KDM2B: variants seen among roughly 807,000 people sequenced by gnomAD.
The protein encoded by KDM2B is lysine demethylase 2B.
Under a neutral mutation model 150.0 loss-of-function variants are expected in KDM2B, and 26 were observed. The observed-to-expected ratio is 0.17, with a 90% confidence interval of 0.13 to 0.24. The LOEUF (loss-of-function observed/expected upper bound fraction) is 0.24, where lower values mean the gene tolerates loss of function less well. Among genes scored for constraint, KDM2B ranks in the 10% least tolerant of loss-of-function variants. The pLI, the probability that KDM2B is intolerant of heterozygous loss-of-function variation, is 1.00. For synonymous variants in KDM2B, 734 were observed against 729.5 expected (o/e 1.01, Z -0.10); for missense variants, 1,265 against 1,816.9 (o/e 0.70, Z 5.52).
At chr12:121,529,968 C>T (rs1252645750) in intron 8 of KDM2B, among the ~76,000 whole-genome samples, 4 of 148,382 alleles carry the variant, frequency 2.7e-5, no homozygotes, top group African/African-American at 5.0e-5. Context: ...GTGGCTCACG[C>T]CTGTAATCCC....
At position 121,467,318 on chromosome 12, in the gene KDM2B, G is replaced by A. The variant is rs1880165709; in HGVS notation, c.1735-13974C>T. 1 of 982,592 alleles carries A rather than the reference G, an allele frequency of 1.0e-6. No homozygotes were observed. The highest frequency in any genetic ancestry group is 5.1e-4 in the Middle Eastern group (1 of 1,944). The allele number at this position is 982,592 out of a possible 1,614,324, so 60.9% of individuals were successfully genotyped here. Reference sequence around the variant, plus strand: ...CTCGCCCTGGCTCGGGCTCGGGCTCGGGCTCGGGCTCCCGCTGCCGCGAGG... The same window carrying A: ...CTCGCCCTGGCTCGGGCTCGGGCTCAGGCTCGGGCTCCCGCTGCCGCGAGG... On this transcript the variant is annotated intron_variant, in intron 12 of 22. Transcript: ENST00000377071. The surrounding 1 kb of genome is among the most constrained non-coding windows in gnomAD (Gnocchi z 5.1).
At position 121,486,333 on chromosome 12, in the gene KDM2B, CTTT is replaced by C. The variant is rs71079073; in HGVS notation, c.1734+8243_1734+8245del. On this transcript the variant is annotated intron_variant, in intron 12 of 22. Transcript: ENST00000377071. ...TGTTGATCAGGCTGGTTTCGAACTC[CTTT>C]TTTTTTTTTTTTTTTTTTTTTTTTA... Among the ~76,000 whole-genome samples the C allele has an allele frequency of 8.9e-3, 522 of 58,968 alleles. 4 individuals carry two copies. The highest frequency in any genetic ancestry group is 0.037 in the African/African-American group (472 of 12,710). The allele number at this position is 58,968 out of a possible 152,430, so 38.7% of individuals were successfully genotyped here. A position where few individuals can be genotyped will look rare whatever the true frequency, so the allele number is the denominator to read the frequency against.
rs782331183 is a variant in KDM2B at position 121,439,837 on chromosome 12, G to A, written c.3829+20C>T. The A allele has an allele frequency of 1.0e-4, 168 of 1,605,248 alleles. No individual in the cohort carries two copies. Among genetic ancestry groups the A allele is most frequent in the Non-Finnish European group, 1.3e-4 (157 of 1,172,248 alleles). On this transcript the variant is annotated intron_variant, in intron 22 of 22. Coordinates refer to ENST00000377071, the MANE Select transcript of KDM2B (RefSeq NM_032590.5). Reference sequence around the variant, plus strand: ...CTCCCACGGAGTGTTAGGCAGACCCGATGGGGGCCCCTGACTCACCAGACA... The same window carrying A: ...CTCCCACGGAGTGTTAGGCAGACCCAATGGGGGCCCCTGACTCACCAGACA...
At chr12:121,417,453 C>G in the KDM2B span, 1 of 1,492,488 alleles carries the variant, frequency 6.7e-7, no homozygotes, top group African/African-American at 1.4e-5. The surrounding 1 kb of genome is among the most constrained non-coding windows in gnomAD (Gnocchi z 5.0). Flanking sequence ...AAAACTCATG[C>G]TTTCATAATG....
the KDM2B span, among the ~76,000 whole-genome samples, chr12:121,412,230 CTTTTTTTTTTTTTTT>C: frequency 2.8e-3 from 138 of 49,650 alleles, 1 homozygote; most frequent in African/African-American, 1.0e-2. Flanking sequence ...CCCAACTAAT[CTTTTTTTTTTTTTTT>C]TTTTTTTTTT....
At chr12:121,479,450 G>C (rs1316315916) in intron 12 of KDM2B, among the ~76,000 whole-genome samples, 2 of 133,172 alleles carry the variant, frequency 1.5e-5, no homozygotes, top group Non-Finnish European at 3.2e-5. Flanking sequence ...CTGGGCGACA[G>C]AGCGAGACCC....
At chr12:121,420,734 A>G in the KDM2B span, 8 of 1,614,116 alleles carry the variant, frequency 5.0e-6, no homozygotes, top group African/African-American at 2.7e-5. Context: ...CTGGTAGAGA[A>G]AGTAAACCGG....
intron 12 of KDM2B, among the ~76,000 whole-genome samples, chr12:121,456,562 C>T (rs1397844328): frequency 1.3e-5 from 2 of 152,152 alleles, no homozygotes; most frequent in Non-Finnish European, 2.9e-5. Context: ...AGTCTAAAGA[C>T]GAGCTTCTCT....
chr12:121,531,522 T>C (rs928860812), intron 8 of KDM2B, among the ~76,000 whole-genome samples: 15 of 152,322 alleles, frequency 9.8e-5, no homozygotes, highest in Admixed American at 9.8e-4. Flanking sequence ...TGCAAGCACC[T>C]TGAGTCATCC....
chr12:121,509,635 G>T lies in KDM2B; in HGVS notation c.1579C>A (p.Leu527Ile), dbSNP rs1885405833. 2 of 1,613,986 alleles carry T rather than the reference G, an allele frequency of 1.2e-6. No homozygotes were observed. Among genetic ancestry groups the T allele is most frequent in the Non-Finnish European group, 1.7e-6 (2 of 1,180,038 alleles). ...GGGACACACTTCTTGTTCTCCGGGAGGGATTCCAGTTTCTCCACCAGAGCT... is the reference window on the plus strand; with the variant it reads ...GGGACACACTTCTTGTTCTCCGGGATGGATTCCAGTTTCTCCACCAGAGCT... Reference protein sequence around the residue: ...LKALVEKLESLPENKKCVPEG... With the variant: ...LKALVEKLESIPENKKCVPEG... Residue 527 changes from leucine (L) to isoleucine (I), a missense_variant, in exon 11 of 23, where the codon CTC (leucine) becomes ATC (isoleucine). Leu to Ile is a conservative substitution (Grantham distance 5). Around this residue, in one of 11 missense-constraint regions of KDM2B, gnomAD observed 20 missense variants for 49.5 expected, o/e 0.40. Transcript: ENST00000377071.
intron 8 of KDM2B, among the ~76,000 whole-genome samples, chr12:121,530,465 T>C: frequency 6.6e-6 from 1 of 151,902 alleles, no homozygotes; most frequent in East Asian, 1.9e-4. Flanking sequence ...TGTTCCTAAG[T>C]TTTTTTTCAC....
At chr12:121,470,723 C>A (rs571624477) in intron 12 of KDM2B, among the ~76,000 whole-genome samples, 20 of 151,828 alleles carry the variant, frequency 1.3e-4, no homozygotes, top group Middle Eastern at 3.4e-3. Context: ...ATGCCAGAGA[C>A]GAGGAGGATG....
In KDM2B at chr12:121,467,326, G is replaced by T. The variant is rs1566302693; in HGVS notation, c.1735-13982C>A. The T allele has an allele frequency of 1.0e-6, 1 of 982,644 alleles. No individual in the cohort carries two copies. Among genetic ancestry groups the T allele is most frequent in the African/African-American group, 1.8e-5 (1 of 56,854 alleles). 60.9% of individuals were successfully genotyped at this position (982,644 alleles called of 1,614,324 possible). A position where few individuals can be genotyped will look rare whatever the true frequency, so the allele number is the denominator to read the frequency against. ...GGCTCGGGCTCGGGCTCGGGCTCGG[G>T]CTCCCGCTGCCGCGAGGAGGGAGCC... is the stretch of plus-strand genomic sequence containing the variant. On this transcript the variant is annotated intron_variant, in intron 12 of 22. Transcript: ENST00000377071. The surrounding 1 kb of genome is among the most constrained non-coding windows in gnomAD (Gnocchi z 5.1).
intron 12 of KDM2B, among the ~76,000 whole-genome samples, chr12:121,490,526 C>T (rs2140271235): frequency 6.6e-6 from 1 of 152,312 alleles, no homozygotes; most frequent in East Asian, 1.9e-4. Flanking sequence ...CAGCCAGTAG[C>T]CATGTCTGGC....
chr12:121,420,559 G>C, the KDM2B span: 13 of 1,612,902 alleles, frequency 8.1e-6, no homozygotes, highest in Admixed American at 1.7e-5. Flanking sequence ...AGGGCTAATG[G>C]ATGCTCTGTG....
In KDM2B at chr12:121,459,888, C is replaced by T. The variant is rs115423628; in HGVS notation, c.1735-6544G>A. Among the ~76,000 whole-genome samples the T allele has an allele frequency of 8.0e-3, 1,213 of 151,240 alleles. 16 individuals are homozygous for T. Among genetic ancestry groups the T allele is most frequent in the African/African-American group, 0.025 (1,019 of 41,208 alleles). ...GGGCACTATCATGTGCAAAGGCCCACAGAATGGGAGAAAATATTTGTAAAT... is the reference window on the plus strand; with the variant it reads ...GGGCACTATCATGTGCAAAGGCCCATAGAATGGGAGAAAATATTTGTAAAT... On this transcript the variant is annotated intron_variant, in intron 12 of 22. Transcript: ENST00000377071.
chr12:121,474,594 T>G (rs782322616), intron 12 of KDM2B, among the ~76,000 whole-genome samples: 1 of 152,206 alleles, frequency 6.6e-6, no homozygotes, highest in Non-Finnish European at 1.5e-5. Flanking sequence ...GAAAAACGTT[T>G]TGGTCAATGA....
At position 121,468,029 on chromosome 12, in the gene KDM2B, G is replaced by C. The variant is rs911762957; in HGVS notation, c.1735-14685C>G. On this transcript the variant is annotated intron_variant, in intron 12 of 22. Coordinates refer to ENST00000377071, the MANE Select transcript of KDM2B (RefSeq NM_032590.5). The surrounding 1 kb of genome is among the most constrained non-coding windows in gnomAD (Gnocchi z 4.0). ...CTTTGCAGGGTCAAGTAGTGCAGGC[G>C]GGAGTTCCACTCGAGTCGCCTGACG... 1 of 152,324 alleles carries C rather than the reference G, an allele frequency of 6.6e-6. No individual in the cohort carries two copies. The highest frequency in any genetic ancestry group is 6.5e-5 in the Admixed American group (1 of 15,284). The allele number at this position is 152,324 out of a possible 1,614,324, so 9.4% of individuals were successfully genotyped here.
At chr12:121,501,967 T>TACA (rs1555302031) in intron 11 of KDM2B, among the ~76,000 whole-genome samples, 4 of 152,118 alleles carry the variant, frequency 2.6e-5, no homozygotes, top group Non-Finnish European at 4.4e-5. Flanking sequence ...TGATCTGGGC[T>TACA]TTACACCTCA....
Sources: allele counts gnomAD v4.1 joint callset (sites outside exome capture counted in the v4.1 genomes callset), GRCh38; gene constraint gnomAD v4.1.1; regional missense constraint gnomAD v4.1.1; non-coding constraint Gnocchi (gnomAD v3.1); transcripts MANE v1.5; gene names NCBI Gene and HGNC (gene_info 2026-07-23, HGNC 2026-07-21).